AGMO: variants seen among roughly 807,000 people sequenced by gnomAD.
The protein encoded by AGMO is alkylglycerol monooxygenase.
A neutral mutation model predicts 60.2 loss-of-function variants in AGMO; 75 were observed. The observed-to-expected ratio is 1.25, with a 90% CI of 1.03 to 1.51. The LOEUF (loss-of-function observed/expected upper bound fraction) is 1.51. Among genes scored for constraint, AGMO ranks in the 40% most tolerant of loss-of-function variants. AGMO has a pLI of 0.00. For synonymous variants in AGMO, 261 were observed against 177.1 expected (o/e 1.47, Z -3.76); for missense variants, 763 against 525.5 (o/e 1.45, Z -4.42).
intron 12 of AGMO, among the ~76,000 whole-genome samples, chr7:15,342,172 T>TAAAAGAAAAAAAAAAAAAAA (rs1781874709): frequency 1.8e-5 from 1 of 54,310 alleles, no homozygotes; most frequent in Non-Finnish European, 3.2e-5. Context: ...CCCACAGAGT[T>TAAAAGAAAAAAAAAAAAAAA]AAAAAAAAAA....
chr7:15,354,393 T>TACACGTGTGTGTACACACGTGTGTGTAC (rs1378742407), intron 12 of AGMO, among the ~76,000 whole-genome samples: 1 of 41,114 alleles, frequency 2.4e-5, no homozygotes, highest in African/African-American at 2.2e-4. Flanking sequence ...CGTGTGTGTA[T>TACACGTGTGTGTACACACGTGTGTGTAC]ACACGTGTGT....
intron 12 of AGMO, among the ~76,000 whole-genome samples, chr7:15,318,076 G>A (rs1780995251): frequency 6.6e-6 from 1 of 150,474 alleles, no homozygotes; most frequent in Non-Finnish European, 1.5e-5. Context: ...TGCAATCTTG[G>A]CTCACTGCAA....
chr7:15,499,563 T>A (rs954707073), intron 3 of AGMO, among the ~76,000 whole-genome samples: 3 of 151,908 alleles, frequency 2.0e-5, no homozygotes, highest in Non-Finnish European at 4.4e-5. Flanking sequence ...ACAAAATGGA[T>A]CAACCCCACT....
the AGMO span, among the ~76,000 whole-genome samples, chr7:15,143,666 TTTTTGTTTTG>T: frequency 6.6e-6 from 1 of 151,410 alleles, no homozygotes; most frequent in Non-Finnish European, 1.5e-5. Flanking sequence ...GGCACTGAAG[TTTTTGTTTTG>T]TTTTGTTTTG....
intron 12 of AGMO, among the ~76,000 whole-genome samples, chr7:15,281,612 C>G (rs1001295682): frequency 1.1e-4 from 16 of 152,092 alleles, no homozygotes; most frequent in African/African-American, 3.9e-4. Context: ...CCTACTCTTT[C>G]CCTGACAAGA....
chr7:15,167,621 G>C, the AGMO span, among the ~76,000 whole-genome samples: 1 of 152,110 alleles, frequency 6.6e-6, no homozygotes, highest in Non-Finnish European at 1.5e-5. Flanking sequence ...AAAACCAAAA[G>C]TTCGCACCTA....
intron 12 of AGMO, among the ~76,000 whole-genome samples, chr7:15,297,227 T>C (rs1033178964): frequency 1.3e-5 from 2 of 152,138 alleles, no homozygotes; most frequent in African/African-American, 4.8e-5. Context: ...ATCCCCCGAA[T>C]CTACCATCAA....
At chr7:15,444,302 C>T (rs1781642110) in intron 3 of AGMO, among the ~76,000 whole-genome samples, 1 of 151,936 alleles carries the variant, frequency 6.6e-6, no homozygotes, top group African/African-American at 2.4e-5. Flanking sequence ...CACTGATTCC[C>T]TCTCCCTAAT....
At chr7:15,481,285 C>T (rs895159933) in intron 3 of AGMO, among the ~76,000 whole-genome samples, 3 of 152,018 alleles carry the variant, frequency 2.0e-5, no homozygotes, top group African/African-American at 4.8e-5. Flanking sequence ...AAAACTGCAA[C>T]GGAATCTTTG....
At chr7:15,353,664 A>C (rs989995962) in intron 12 of AGMO, among the ~76,000 whole-genome samples, 4 of 152,234 alleles carry the variant, frequency 2.6e-5, no homozygotes, top group African/African-American at 7.2e-5. Context: ...TGTGAATCAG[A>C]AATATATATT....
chr7:15,142,763 C>T, the AGMO span, among the ~76,000 whole-genome samples: 4 of 152,114 alleles, frequency 2.6e-5, no homozygotes, highest in African/African-American at 9.7e-5. Flanking sequence ...AGGGAGAATA[C>T]GAGATTGCCG....
In AGMO at chr7:15,376,733, T is replaced by C. The variant is rs1562470100; in HGVS notation, c.1074+8713A>G. On this transcript the variant is annotated intron_variant, in intron 10 of 12. Transcript: ENST00000342526. ...AATACATATTATACATATTTTTATT[T>C]CCAACATGTACTCATGATATCACCC... 3.3e-5 allele frequency among the ~76,000 whole-genome samples: 5 copies of C among 152,214 alleles called. No individual in the cohort carries two copies. In the South Asian group the frequency reaches 8.3e-4, roughly 25 times the overall value.
chr7:15,365,629 A>G lies in AGMO; in HGVS notation c.1158-10T>C. Reference sequence around the variant, plus strand: ...AATAGCTGCCTTGGGTCTGAAATAAAATGTCATTAACATGCATTAGCTTTA... The same window carrying G: ...AATAGCTGCCTTGGGTCTGAAATAAGATGTCATTAACATGCATTAGCTTTA... On this transcript the variant is annotated splice_polypyrimidine_tract_variant and intron_variant, in intron 11 of 12. Coordinates refer to ENST00000342526, the MANE Select transcript of AGMO (RefSeq NM_001004320.2). 6.3e-7 allele frequency: 1 copy of G among 1,591,208 alleles called. No homozygotes were observed.
intron 3 of AGMO, among the ~76,000 whole-genome samples, chr7:15,492,582 T>A (rs567227397): frequency 6.7e-6 from 1 of 148,950 alleles, no homozygotes; most frequent in East Asian, 2.1e-4. Flanking sequence ...CCTGAATGGG[T>A]TTGAATAACT....
At chr7:15,121,117 C>G in the AGMO span, among the ~76,000 whole-genome samples, 1 of 152,244 alleles carries the variant, frequency 6.6e-6, no homozygotes, top group African/African-American at 2.4e-5. Context: ...ATGACGGCTT[C>G]CAGCTTCATC....
chr7:15,134,483 T>C, the AGMO span, among the ~76,000 whole-genome samples: 69,507 of 152,028 alleles, frequency 0.46, 15,994 homozygotes, highest in South Asian at 0.55. Flanking sequence ...GCCCTGGTGT[T>C]GGTTGTTCCC....
intron 12 of AGMO, among the ~76,000 whole-genome samples, chr7:15,336,488 A>C (rs1434609499): frequency 6.6e-6 from 1 of 152,124 alleles, no homozygotes; most frequent in Non-Finnish European, 1.5e-5. Context: ...CTTGAATCCC[A>C]AAATCAATCT....
At chr7:15,531,216 CTATA>C (rs1235964875) in intron 3 of AGMO, among the ~76,000 whole-genome samples, 7 of 66,260 alleles carry the variant, frequency 1.1e-4, no homozygotes, top group Non-Finnish European at 1.9e-4. Context: ...TCTATATATT[CTATA>C]TATATTCTAT....
At chr7:15,339,811 CATG>C (rs760678014) in intron 12 of AGMO, among the ~76,000 whole-genome samples, 24 of 152,300 alleles carry the variant, frequency 1.6e-4, no homozygotes, top group African/African-American at 4.3e-4. Context: ...TTAATGAAAG[CATG>C]ATATTTCTAA....
Sources: allele counts gnomAD v4.1 joint callset (sites outside exome capture counted in the v4.1 genomes callset), GRCh38; gene constraint gnomAD v4.1.1; transcripts MANE v1.5; gene names NCBI Gene and HGNC (gene_info 2026-07-23, HGNC 2026-07-21).